Variants in TNFSF4 observed in about 807,000 individuals in gnomAD.
TNFSF4 encodes tumor necrosis factor ligand superfamily member 4.
TNFSF4 carries 4 observed loss-of-function variants against 7.3 expected under a neutral mutation model. The observed-to-expected ratio is 0.55, with a 90% CI of 0.27 to 1.25. The LOEUF (loss-of-function observed/expected upper bound fraction) is 1.25, where lower values mean the gene tolerates loss of function less well. Among genes scored for constraint, TNFSF4 ranks in the 50% most tolerant of loss-of-function variants. The pLI, the probability that TNFSF4 is intolerant of heterozygous loss-of-function variation, is 0.12. For missense variants in TNFSF4, 181 were observed against 208.8 expected (o/e 0.87, Z 0.82); for synonymous variants, 76 against 83.7 (o/e 0.91, Z 0.50).
chr1:173,242,833 G>C, the TNFSF4 span, among the ~76,000 whole-genome samples: 6 of 152,094 alleles, frequency 3.9e-5, no homozygotes, highest in Non-Finnish European at 8.8e-5. Context: ...GTGCAGCCCT[G>C]CTGTGAGACT....
chr1:173,445,518 G>A, the TNFSF4 span, among the ~76,000 whole-genome samples: 1 of 152,084 alleles, frequency 6.6e-6, no homozygotes, highest in Non-Finnish European at 1.5e-5. Flanking sequence ...TAGCATGGTC[G>A]GCTAAAATCC....
the TNFSF4 span, among the ~76,000 whole-genome samples, chr1:173,235,335 G>A: frequency 6.6e-6 from 1 of 152,104 alleles, no homozygotes. Flanking sequence ...CTTTCAACAG[G>A]CTTCCACCTC....
chr1:173,378,875 CCT>C, the TNFSF4 span, among the ~76,000 whole-genome samples: 1 of 85,530 alleles, frequency 1.2e-5, no homozygotes, highest in Non-Finnish European at 2.6e-5. Context: ...CAAGAACCCC[CCT>C]CCCCCCCCAC....
At chr1:173,370,723 A>C in the TNFSF4 span, among the ~76,000 whole-genome samples, 11 of 152,044 alleles carry the variant, frequency 7.2e-5, no homozygotes, top group African/African-American at 2.7e-4. Flanking sequence ...ACCTGGCAAC[A>C]TCAGTATTCT....
chr1:173,241,843 T>G, the TNFSF4 span, among the ~76,000 whole-genome samples: 2 of 152,094 alleles, frequency 1.3e-5, no homozygotes, highest in African/African-American at 4.8e-5. Flanking sequence ...TGAAACCCAT[T>G]AGGTGGAAGA....
At chr1:173,205,203 T>G (rs1179025287) in intron 1 of TNFSF4, 7 of 1,298,282 alleles carry the variant, frequency 5.4e-6, no homozygotes, top group Non-Finnish European at 6.4e-6. Flanking sequence ...ATTTTCAGAG[T>G]AGACAGGGCA....
chr1:173,301,352 A>AC, the TNFSF4 span, among the ~76,000 whole-genome samples: 1 of 151,316 alleles, frequency 6.6e-6, no homozygotes, highest in Non-Finnish European at 1.5e-5. Flanking sequence ...AAAAAGTTCC[A>AC]TTTTTTTTAC....
chr1:173,316,957 G>A, the TNFSF4 span, among the ~76,000 whole-genome samples: 1 of 152,120 alleles, frequency 6.6e-6, no homozygotes, highest in South Asian at 2.1e-4. Flanking sequence ...CTTTGCTGCA[G>A]CTCTCATTGA....
At chr1:173,425,173 T>C in the TNFSF4 span, among the ~76,000 whole-genome samples, 2 of 152,182 alleles carry the variant, frequency 1.3e-5, no homozygotes, top group Admixed American at 1.3e-4. Context: ...CTTGGTATTT[T>C]TTTATAGGTT....
At chr1:173,327,382 C>T in the TNFSF4 span, among the ~76,000 whole-genome samples, 2 of 151,900 alleles carry the variant, frequency 1.3e-5, no homozygotes, top group African/African-American at 4.8e-5. Context: ...AAATGTTAGA[C>T]CTAAAACCAT....
the TNFSF4 span, among the ~76,000 whole-genome samples, chr1:173,378,409 C>T: frequency 6.6e-6 from 1 of 152,172 alleles, no homozygotes; most frequent in Non-Finnish European, 1.5e-5. Flanking sequence ...ACAAACAAAC[C>T]AAAACCACGG....
At chr1:173,439,180 G>A in the TNFSF4 span, among the ~76,000 whole-genome samples, 2 of 152,196 alleles carry the variant, frequency 1.3e-5, no homozygotes, top group African/African-American at 4.8e-5. Flanking sequence ...AACTTTCACT[G>A]ATGAAGACAT....
chr1:173,284,964 T>C, the TNFSF4 span, among the ~76,000 whole-genome samples: 46,049 of 152,114 alleles, frequency 0.3, 7,589 homozygotes, highest in Admixed American at 0.4. Flanking sequence ...ACTTTCAAGT[T>C]CTATTAAAGA....
chr1:173,175,291 T>C, the TNFSF4 span: 2 of 152,212 alleles, frequency 1.3e-5, no homozygotes, highest in Admixed American at 6.5e-5. Flanking sequence ...AAATCTTGAG[T>C]GCTTTAGACC....
the TNFSF4 span, among the ~76,000 whole-genome samples, chr1:173,228,655 C>T: frequency 6.6e-6 from 1 of 152,228 alleles, no homozygotes; most frequent in East Asian, 1.9e-4. Context: ...ATTTTGAACC[C>T]ATCGCAAAGA....
At chr1:173,375,246 C>G in the TNFSF4 span, among the ~76,000 whole-genome samples, 21 of 152,326 alleles carry the variant, frequency 1.4e-4, no homozygotes, top group African/African-American at 5.1e-4. Flanking sequence ...CAACTCACAA[C>G]TTCTACCAAG....
the TNFSF4 span, among the ~76,000 whole-genome samples, chr1:173,291,783 C>T: frequency 1.3e-5 from 2 of 151,568 alleles, no homozygotes; most frequent in Non-Finnish European, 2.9e-5. Flanking sequence ...AGAAAAGATC[C>T]CTATAAACAC....
chr1:173,213,296 T>A, the TNFSF4 span, among the ~76,000 whole-genome samples: 1 of 152,174 alleles, frequency 6.6e-6, no homozygotes, highest in Non-Finnish European at 1.5e-5. Context: ...GTTGCTTAGT[T>A]TTGTTTTTTT....
chr1:173,420,007 A>C, the TNFSF4 span, among the ~76,000 whole-genome samples: 1 of 152,068 alleles, frequency 6.6e-6, no homozygotes, highest in Non-Finnish European at 1.5e-5. Context: ...CTCATGATAT[A>C]TTTATGCATT....
Sources: allele counts gnomAD v4.1 joint callset (sites outside exome capture counted in the v4.1 genomes callset), GRCh38; gene constraint gnomAD v4.1.1; transcripts MANE v1.5; gene names NCBI Gene and HGNC (gene_info 2026-07-23, HGNC 2026-07-21).